The following ZNF407 variants were observed in gnomAD, a reference collection of about 807,000 sequenced individuals.
ZNF407 encodes zinc finger protein 407.
In ZNF407, 17 loss-of-function variants were observed where a neutral mutation model predicts 131.2. The ratio of observed to expected loss-of-function variants is 0.13; its 90% CI spans 0.09 to 0.19. ZNF407 has a LOEUF of 0.19. Ranked by LOEUF, ZNF407 falls within the 10% of genes least tolerant of loss-of-function variation. The probability of loss-of-function intolerance (pLI) is 1.00; values close to 1 mark genes in which losing one functional copy is unlikely to be tolerated. For synonymous variants in ZNF407, 1,156 were observed against 1,062.0 expected (o/e 1.09, Z -1.72); for missense variants, 2,681 against 2,830.6 (o/e 0.95, Z 1.20).
intron 1 of ZNF407, among the ~76,000 whole-genome samples, chr18:74,629,725 C>T (rs1438454920): frequency 2.0e-5 from 3 of 152,044 alleles, no homozygotes; most frequent in Non-Finnish European, 4.4e-5. Flanking sequence ...TTGTCATTAG[C>T]CTTGAGACTA....
chr18:74,810,747 G>A (rs1970181984), intron 4 of ZNF407, among the ~76,000 whole-genome samples: 2 of 152,082 alleles, frequency 1.3e-5, no homozygotes, highest in African/African-American at 4.8e-5. Context: ...ATAAGCAATG[G>A]GGAAAGGATT....
In ZNF407 at chr18:74,804,100, G is replaced by A; in HGVS notation, c.4877+22598G>A. On this transcript the variant is annotated intron_variant, in intron 4 of 8. Transcript: ENST00000299687. ...GGGACCTGCAGTGGGAGGATTGGCT[G>A]AGGACTTATTTTGGTTGAAGTTAGA... 5.2e-6 allele frequency: 8 copies of A among 1,544,348 alleles called. No individual in the cohort carries two copies. In the South Asian group the frequency reaches 9.7e-5, roughly 19 times the overall value.
At chr18:74,665,246 GT>G (rs1182416526) in intron 3 of ZNF407, among the ~76,000 whole-genome samples, 1 of 152,216 alleles carries the variant, frequency 6.6e-6, no homozygotes, top group Non-Finnish European at 1.5e-5. Flanking sequence ...TAATTGTGGA[GT>G]TACTCAGAGT....
intron 4 of ZNF407, among the ~76,000 whole-genome samples, chr18:74,786,995 C>T (rs113072036): frequency 0.16 from 24,712 of 151,216 alleles, 2,331 homozygotes; most frequent in Non-Finnish European, 0.22. Flanking sequence ...TTAGTAGAGA[C>T]GGGGTTTCAT....
intron 8 of ZNF407, among the ~76,000 whole-genome samples, chr18:74,936,017 G>A (rs943003867): frequency 6.6e-6 from 1 of 152,140 alleles, no homozygotes; most frequent in African/African-American, 2.4e-5. Context: ...CTCAATCAAA[G>A]AAGTAATTTT....
Position 74,864,843 on chromosome 18 carries a change from G to C in ZNF407, c.4878-12354G>C, listed in dbSNP as rs185517733. ...ACAAGTGAAATCGTAAGCAAAGATA[G>C]GGCATTAGAGAAAGCCTGTCTGGTC... On this transcript the variant is annotated intron_variant, in intron 4 of 8. Coordinates refer to ENST00000299687, the MANE Select transcript of ZNF407 (RefSeq NM_017757.3). 5.5e-4 allele frequency among the ~76,000 whole-genome samples: 83 copies of C among 152,260 alleles called. 1 individual carries two copies. Among genetic ancestry groups the C allele is most frequent in the Middle Eastern group, 3.4e-3 (1 of 294 alleles).
chr18:75,049,516 C>G (rs138001328), intron 8 of ZNF407, among the ~76,000 whole-genome samples: 2 of 152,262 alleles, frequency 1.3e-5, no homozygotes, highest in African/African-American at 4.8e-5. Context: ...ATTGGAGCCC[C>G]TGATTTGAGT....
chr18:74,682,961 C>CT (rs1378576867), intron 3 of ZNF407, among the ~76,000 whole-genome samples: 1 of 152,148 alleles, frequency 6.6e-6, no homozygotes, highest in Non-Finnish European at 1.5e-5. Flanking sequence ...GCGGCAGGTT[C>CT]TTTTTCTGGT....
intron 1 of ZNF407, among the ~76,000 whole-genome samples, chr18:74,627,929 C>T (rs534724505): frequency 1.3e-5 from 2 of 148,508 alleles, no homozygotes; most frequent in Admixed American, 1.4e-4. Context: ...GGCTGGAACG[C>T]AGTGGTTCAG....
intron 3 of ZNF407, among the ~76,000 whole-genome samples, chr18:74,674,660 C>T (rs1008264215): frequency 3.3e-5 from 5 of 152,178 alleles, no homozygotes; most frequent in African/African-American, 1.2e-4. Context: ...CAGGGCTTGG[C>T]TCTGGGATCC....
Position 74,852,016 on chromosome 18 carries a change from GTCATAGAGGCATCTCCTGC to G in ZNF407, c.4878-25178_4878-25160del, listed in dbSNP as rs1471883012. Among the ~76,000 whole-genome samples the G allele has an allele frequency of 6.6e-5, 10 of 152,300 alleles. No individual in the cohort carries two copies. The East Asian group carries it at 1.9e-3, about 29-fold the overall frequency. ...GTAGCAGCCGCATGGCAGTGGTTGG[GTCATAGAGGCATCTCCTGC>G]TCCACTCCAGGGACACATTGTCACG... On this transcript the variant is annotated intron_variant, in intron 4 of 8. Transcript: ENST00000299687.
chr18:75,064,082 G>T lies in ZNF407; in HGVS notation c.6361G>T (p.Ala2121Ser). The T allele has an allele frequency of 6.3e-7, 1 of 1,589,408 alleles. No homozygotes were observed. The part of the protein sequence containing the change: ...GAVHMVAGEG[A>S]QIIMQEAQGE... ...CGTCCACATGGTCGCCGGGGAGGGT[G>T]CCCAGATCATCATGCAGGAGGCGCA... Residue 2121 changes from alanine to serine, a missense_variant, in exon 9 of 9, where the codon GCC becomes TCC. Ala to Ser is a moderately conservative substitution (Grantham distance 99). Transcript: ENST00000299687.
intron 3 of ZNF407, among the ~76,000 whole-genome samples, chr18:74,656,461 A>T (rs1301000814): frequency 6.6e-6 from 1 of 152,160 alleles, no homozygotes; most frequent in African/African-American, 2.4e-5. Context: ...TGTGCAATGT[A>T]AGTTTACAAA....
At chr18:74,803,747 T>G (rs1373552212) in intron 4 of ZNF407, among the ~76,000 whole-genome samples, 1 of 152,232 alleles carries the variant, frequency 6.6e-6, no homozygotes, top group African/African-American at 2.4e-5. Flanking sequence ...CACATTTATA[T>G]GTTTTACAAA....
In ZNF407 at chr18:74,996,470, A is replaced by G. The variant is rs1972781502; in HGVS notation, c.5429-66680A>G. 5.3e-5 allele frequency among the ~76,000 whole-genome samples: 8 copies of G among 152,352 alleles called. No homozygotes were observed. The South Asian group carries it at 1.7e-3, about 32-fold the overall frequency. On this transcript the variant is annotated intron_variant, in intron 8 of 8. Coordinates refer to ENST00000299687, the MANE Select transcript of ZNF407 (RefSeq NM_017757.3). ...TTTTTATTTTAAAATGTATTTAGAA[A>G]AAGGAAATGAAGTCAGGAGGTGAAC...
intron 3 of ZNF407, among the ~76,000 whole-genome samples, chr18:74,720,664 G>A (rs972104167): frequency 2.6e-4 from 40 of 152,110 alleles, no homozygotes; most frequent in African/African-American, 9.4e-4. Context: ...TCCATTTTGA[G>A]TTGATTTTTG....
chr18:74,671,545 T>C lies in ZNF407; in HGVS notation c.4802+30423T>C, dbSNP rs532780694. On this transcript the variant is annotated intron_variant, in intron 3 of 8. Transcript: ENST00000299687. ...CCTCAGGTAGGCCCCCAATGTCTTTTGTTCCTTTTTTTGTGTTCCTGAGTT... is the reference window on the plus strand; with the variant it reads ...CCTCAGGTAGGCCCCCAATGTCTTTCGTTCCTTTTTTTGTGTTCCTGAGTT... Among the ~76,000 whole-genome samples the C allele has an allele frequency of 4.6e-5, 7 of 152,152 alleles. No individual in the cohort carries two copies. In the East Asian group the frequency reaches 1.3e-3, roughly 29 times the overall value.
At chr18:74,643,562 C>T (rs777757418) in intron 3 of ZNF407, among the ~76,000 whole-genome samples, 58 of 151,892 alleles carry the variant, frequency 3.8e-4, no homozygotes, top group Non-Finnish European at 7.2e-4. Context: ...TGGGCAGTCA[C>T]ATTTTTAAAG....
chr18:74,605,500 C>T (rs1322858946), intron 1 of ZNF407, among the ~76,000 whole-genome samples: 1 of 152,080 alleles, frequency 6.6e-6, no homozygotes, highest in Non-Finnish European at 1.5e-5. Context: ...CAGTACTGCC[C>T]ATGCCATGAA....
Sources: allele counts gnomAD v4.1 joint callset (sites outside exome capture counted in the v4.1 genomes callset), GRCh38; gene constraint gnomAD v4.1.1; transcripts MANE v1.5; gene names NCBI Gene and HGNC (gene_info 2026-07-23, HGNC 2026-07-21).